SLC20A1: variants seen among roughly 807,000 people sequenced by gnomAD.
SLC20A1 encodes solute carrier family 20 member 1, also known as sodium-dependent phosphate transporter 1.
SLC20A1 carries 28 observed loss-of-function variants against 62.7 expected under a neutral mutation model. That is an observed-to-expected ratio of 0.45 (90% CI 0.33 to 0.61). The LOEUF (loss-of-function observed/expected upper bound fraction) is 0.61. Ranked by LOEUF, SLC20A1 falls within the 20% of genes least tolerant of loss-of-function variation. The pLI is 0.02. For missense variants in SLC20A1, 673 were observed against 838.6 expected (o/e 0.80, Z 2.44); for synonymous variants, 305 against 302.9 (o/e 1.01, Z -0.07).
rs746670639 is a variant in SLC20A1, at chr2:112,660,477, C to G, written c.1698C>G (p.Leu566=). ...SKVATPIWLL[L]YGGVGICVGL... ...TGGCAACACCAATATGGCTTCTACT[C>G]TATGGTGGTGTTGGTATCTGTGTTG... Residue 566 remains leucine, a synonymous_variant, in exon 9 of 11, where the codon CTC becomes CTG. Transcript: ENST00000272542. The G allele has an allele frequency of 1.2e-6, 2 of 1,614,044 alleles. No homozygotes were observed. Among genetic ancestry groups the G allele is most frequent in the African/African-American group, 1.3e-5 (1 of 74,912 alleles).
In SLC20A1 at chr2:112,659,076, A is replaced by G. The variant is rs373019890; in HGVS notation, c.1030A>G (p.Ile344Val). Residue 344 changes from isoleucine to valine, a missense_variant, in exon 7 of 11, where the codon ATA becomes GTA. By Grantham distance (29) the Ile-to-Val change is conservative. Coordinates refer to ENST00000272542, the MANE Select transcript of SLC20A1 (RefSeq NM_005415.5). ...PSVDLKEETS[I>V]DSTVNGAVQL... ...CGTGGACTTGAAAGAGGAAACCAGC[A>G]TAGATAGCACCGTGAATGGTGAGTT... The G allele has an allele frequency of 7.4e-6, 12 of 1,613,946 alleles. No homozygotes were observed. In the African/African-American group the frequency reaches 1.3e-4, roughly 18 times the overall value.
chr2:112,646,985 G>C lies in SLC20A1; in HGVS notation c.157G>C (p.Gly53Arg). 1 of 1,614,056 alleles carries C rather than the reference G, an allele frequency of 6.2e-7. No homozygotes were observed. The highest frequency in any genetic ancestry group is 8.5e-7 in the Non-Finnish European group (1 of 1,180,020). ...DVANSFGTAV[G>R]SGVVTLKQAC... is the part of the protein sequence containing the mutation. ...AGCAAATTCTTTTGGTACAGCTGTGGGCTCAGGTGTAGTGACCCTGAAGCA... is the reference window on the plus strand; with the variant it reads ...AGCAAATTCTTTTGGTACAGCTGTGCGCTCAGGTGTAGTGACCCTGAAGCA... The change falls in exon 2 of 11, where the codon GGC becomes CGC. Residue 53 changes from glycine (G) to arginine (R), a missense_variant. Physicochemically the swap from Gly to Arg is moderately radical, Grantham distance 125 (BLOSUM62 -2). Coordinates refer to ENST00000272542, the MANE Select transcript of SLC20A1 (RefSeq NM_005415.5).
At chr2:112,656,188 CTTTTTTTTT>C (rs367841545) in intron 5 of SLC20A1, among the ~76,000 whole-genome samples, 4 of 90,592 alleles carry the variant, frequency 4.4e-5, no homozygotes, top group Admixed American at 1.3e-4. Flanking sequence ...AAAGACAAAA[CTTTTTTTTT>C]TTTTTTTTTT....
At chr2:112,656,767 AGT>A (rs1243807097) in intron 5 of SLC20A1, among the ~76,000 whole-genome samples, 3 of 152,180 alleles carry the variant, frequency 2.0e-5, no homozygotes, top group Admixed American at 2.0e-4. Context: ...GAGCTAGGAG[AGT>A]GGAACACTTG....
At chr2:112,662,772 G>C (rs939018629) in intron 10 of SLC20A1, 92 bp from the exon 11 acceptor site, 5 of 1,324,802 alleles carry the variant, frequency 3.8e-6, no homozygotes, top group African/African-American at 1.5e-5. Context: ...CCAGGGGTCT[G>C]GGGCTCCTTG....
rs1171143233 is a variant in SLC20A1, at chr2:112,659,208, A to G, written c.1053A>G (p.Ala351=). ...CACCTTGGTGATCTTGACTAGGTGC[A>G]GTGCAGTTGCCTAATGGGAACCTTG... ...ETSIDSTVNG[A]VQLPNGNLVQ... The change falls in exon 8 of 11, where the codon GCA becomes GCG. Residue 351 remains alanine (A), a synonymous_variant. Transcript: ENST00000272542. The G allele has an allele frequency of 5.0e-6, 8 of 1,612,478 alleles. No homozygotes were observed. The highest frequency in any genetic ancestry group is 2.5e-6 in the Non-Finnish European group (3 of 1,178,750).
rs979306569 is a variant in SLC20A1 at position 112,646,688 on chromosome 2, G to C, written c.-141G>C. The C allele has an allele frequency of 1.8e-5, 6 of 331,284 alleles. No homozygotes were observed. The highest frequency in any genetic ancestry group is 4.9e-5 in the Admixed American group (1 of 20,478). 20.5% of individuals were successfully genotyped at this position (331,284 alleles called of 1,614,324 possible). ...GCGTATAGCAGTAACTCCCCAGCTCGGTTTCTGTGCCGTAGTTTACAGTAT... is the reference window on the plus strand; with the variant it reads ...GCGTATAGCAGTAACTCCCCAGCTCCGTTTCTGTGCCGTAGTTTACAGTAT... On this transcript the variant is annotated 5_prime_UTR_variant, in exon 2 of 11. Transcript: ENST00000272542.
In SLC20A1 at chr2:112,647,042, G is replaced by C. The variant is rs575071662; in HGVS notation, c.214G>C (p.Val72Leu). 6.2e-7 allele frequency: 1 copy of C among 1,614,212 alleles called. No individual in the cohort carries two copies. Among genetic ancestry groups the C allele is most frequent in the African/African-American group, 1.3e-5 (1 of 75,032 alleles). ...CATCCTAGCTAGCATCTTTGAAACA[G>C]TGGGCTCTGTCTTACTGGGGGCCAA... ...ACILASIFETVGSVLLGAKVS... is the reference protein window; with the variant it reads ...ACILASIFETLGSVLLGAKVS... Residue 72 changes from valine to leucine, a missense_variant, in exon 2 of 11, where the codon GTG becomes CTG. Transcript: ENST00000272542.
intron 4 of SLC20A1, among the ~76,000 whole-genome samples, chr2:112,650,327 T>C (rs998607981): frequency 6.6e-6 from 1 of 151,484 alleles, no homozygotes; most frequent in Non-Finnish European, 1.5e-5. Flanking sequence ...GTTGGGTTTT[T>C]TGGAGCCTTT....
intron 5 of SLC20A1, chr2:112,653,110 C>G (rs1456294260): frequency 4.4e-6 from 2 of 457,248 alleles, no homozygotes; most frequent in Non-Finnish European, 8.0e-6. Context: ...TAATACTGAC[C>G]TCAACTACTG....
chr2:112,657,418 G>A (rs1465055367), intron 6 of SLC20A1, among the ~76,000 whole-genome samples, 177 bp downstream of exon 6: 1 of 152,142 alleles, frequency 6.6e-6, no homozygotes, highest in Non-Finnish European at 1.5e-5. Flanking sequence ...CATGACCTAA[G>A]ACCTGTTCTT....
intron 10 of SLC20A1, among the ~76,000 whole-genome samples, chr2:112,661,650 G>A (rs1371234259): frequency 6.6e-6 from 1 of 152,142 alleles, no homozygotes; most frequent in African/African-American, 2.4e-5. Context: ...CTGGGCTCAA[G>A]TGATTCTTGT....
chr2:112,663,203 A>G lies in SLC20A1; in HGVS notation c.*178A>G. ...TTTGTGCTAAATATGAATTGTCTCAAAATTAGCTGTGTAAAATAGCCCGGG... is the reference window on the plus strand; with the variant it reads ...TTTGTGCTAAATATGAATTGTCTCAGAATTAGCTGTGTAAAATAGCCCGGG... On this transcript the variant is annotated 3_prime_UTR_variant, in exon 11 of 11. Coordinates refer to ENST00000272542, the MANE Select transcript of SLC20A1 (RefSeq NM_005415.5). 2.6e-6 allele frequency: 2 copies of G among 775,998 alleles called. No homozygotes were observed. The highest frequency in any genetic ancestry group is 1.4e-5 in the South Asian group (1 of 70,100). The allele number at this position is 775,998 out of a possible 1,614,324, so 48.1% of individuals were successfully genotyped here.
Position 112,663,693 on chromosome 2 carries a change from C to CT in SLC20A1, c.*671dup, listed in dbSNP as rs1431828866. The CT allele has an allele frequency of 6.5e-6, 1 of 153,994 alleles. No individual in the cohort carries two copies. Among genetic ancestry groups the CT allele is most frequent in the African/African-American group, 2.4e-5 (1 of 41,422 alleles). The allele number at this position is 153,994 out of a possible 1,614,324, so 9.5% of individuals were successfully genotyped here. A position where few individuals can be genotyped will look rare whatever the true frequency, so the allele number is the denominator to read the frequency against. On this transcript the variant is annotated 3_prime_UTR_variant, in exon 11 of 11. Transcript: ENST00000272542. ...AGCCTGTTGGCAATCTTGGTTATTT[C>CT]TTTAAGATTTCTGGCAGTGTGGGAT...
In SLC20A1 at chr2:112,647,367, T is replaced by A. The variant is rs1686310701; in HGVS notation, c.378T>A (p.Pro126=). 4.3e-6 allele frequency: 7 copies of A among 1,614,180 alleles called. No individual in the cohort carries two copies. Among genetic ancestry groups the A allele is most frequent in the Non-Finnish European group, 5.1e-6 (6 of 1,180,012 alleles). ...TCGTGGCTTCGTTTTTGAAGCTCCC[T>A]ATTTCTGGAACCCATTGTATTGTTG... The part of the protein sequence containing the change: ...WQLVASFLKL[P]ISGTHCIVGA... The change falls in exon 3 of 11, where the codon CCT becomes CCA. Residue 126 remains proline, a synonymous_variant. Transcript: ENST00000272542.
chr2:112,647,824 G>T (rs1686327704), intron 4 of SLC20A1, 86 bp downstream of exon 4: 1 of 1,074,980 alleles, frequency 9.3e-7, no homozygotes, highest in South Asian at 1.3e-5. Flanking sequence ...GATGTGATTG[G>T]TGTATAGGTA....
chr2:112,657,375 TTGTTGTCCAAAC>T, intron 6 of SLC20A1, 134 bp downstream of exon 6: 1 of 924,126 alleles, frequency 1.1e-6, no homozygotes, highest in Non-Finnish European at 1.6e-6. Context: ...GGATATGGGT[TTGTTGTCCAAAC>T]TGTTTTTAGA....
intron 4 of SLC20A1, among the ~76,000 whole-genome samples, chr2:112,650,648 G>A (rs571452761): frequency 3.3e-4 from 49 of 150,318 alleles, no homozygotes; most frequent in Non-Finnish European, 6.8e-4. Flanking sequence ...TTTCTTAAGC[G>A]AAGTCTCGCC....
chr2:112,657,076 G>A (rs767761697), intron 5 of SLC20A1, 46 bp from the exon 6 acceptor site: 1 of 1,612,842 alleles, frequency 6.2e-7, no homozygotes, highest in South Asian at 1.1e-5. Context: ...ATATTGCAGG[G>A]GGCTGTTGCC....
Sources: gnomAD v4.1 joint callset for allele counts (sites outside exome capture counted in the v4.1 genomes callset) on GRCh38, gnomAD v4.1.1 for gene constraint, MANE v1.5 for transcripts, NCBI Gene and HGNC (gene_info 2026-07-23, HGNC 2026-07-21) for gene names.